Variants in CXADR observed in about 807,000 individuals in gnomAD.
CXADR encodes coxsackievirus and adenovirus receptor.
A neutral mutation model predicts 40.3 loss-of-function variants in CXADR; 20 were observed. The observed-to-expected ratio is 0.50, with a 90% CI of 0.35 to 0.72. CXADR has a LOEUF of 0.72. Among genes scored for constraint, CXADR ranks in the 30% least tolerant of loss-of-function variants. The pLI, the probability that CXADR is intolerant of heterozygous loss-of-function variation, is 0.01. For missense variants in CXADR, 332 were observed against 449.1 expected, an observed-to-expected ratio of 0.74 and a Z score of 2.36; for synonymous variants, 150 against 161.3, an observed-to-expected ratio of 0.93 and a Z score of 0.53.
At chr21:17,531,281 G>A (rs1415096177) in intron 1 of CXADR, among the ~76,000 whole-genome samples, 2 of 149,506 alleles carry the variant, frequency 1.3e-5, no homozygotes, top group African/African-American at 2.5e-5. Flanking sequence ...CCTGGGCGAC[G>A]GAACGAGACT....
chr21:17,589,851 C>T (rs529883047), intron 7 of CXADR, among the ~76,000 whole-genome samples: 121 of 152,214 alleles, frequency 7.9e-4, no homozygotes, highest in African/African-American at 2.8e-3. Context: ...CTGCCCTCCT[C>T]TTTAAGCCTC....
At chr21:17,519,016 G>A in intron 1 of CXADR, 6 of 1,571,884 alleles carry the variant, frequency 3.8e-6, no homozygotes, top group Non-Finnish European at 4.4e-6. Flanking sequence ...TCTGAAGCAG[G>A]GAGGGTCCTC....
intron 1 of CXADR, among the ~76,000 whole-genome samples, chr21:17,539,162 A>T (rs1311865835): frequency 6.6e-6 from 1 of 152,146 alleles, no homozygotes; most frequent in Non-Finnish European, 1.5e-5. Context: ...CACTGAGATA[A>T]GGAGTTCAAA....
chr21:17,611,859 A>T, the CXADR span: 6 of 152,188 alleles, frequency 3.9e-5, no homozygotes, highest in African/African-American at 1.4e-4. Flanking sequence ...CCTCCCTTGT[A>T]ACGAAAAGCT....
the CXADR span, among the ~76,000 whole-genome samples, chr21:17,601,380 T>C: frequency 1.3e-5 from 2 of 152,100 alleles, no homozygotes; most frequent in Non-Finnish European, 2.9e-5. Flanking sequence ...AAACAGAAGC[T>C]GGACATGGTA....
intron 7 of CXADR, among the ~76,000 whole-genome samples, chr21:17,576,464 C>T (rs1202030181): frequency 2.0e-5 from 3 of 152,118 alleles, no homozygotes; most frequent in Non-Finnish European, 4.4e-5. Flanking sequence ...AGGCTGGCAC[C>T]TGGTCAGTGA....
chr21:17,609,425 C>T, the CXADR span, among the ~76,000 whole-genome samples: 2,874 of 152,286 alleles, frequency 0.019, 45 homozygotes, highest in Middle Eastern at 0.037. Context: ...AATAAAACCA[C>T]ACCTATCAGT....
chr21:17,604,056 C>T, the CXADR span: 1 of 1,125,154 alleles, frequency 8.9e-7, no homozygotes, highest in Non-Finnish European at 1.1e-6. Context: ...ATACCTAGCA[C>T]TGATCTTTCA....
rs867550868 is a variant in CXADR at position 17,567,077 on chromosome 21, G to A, written c.*1385G>A. ...TTTATTGTATTTCCCTTAAGATTGT[G>A]AGGGAGTGTGGATACAGTAGAATGA... On this transcript the variant is annotated 3_prime_UTR_variant, in exon 7 of 7. Transcript: ENST00000284878. The A allele has an allele frequency of 2.2e-5, 22 of 979,936 alleles. No individual in the cohort carries two copies. The Middle Eastern group carries it at 1.6e-3, about 69-fold the overall frequency. The allele number at this position is 979,936 out of a possible 1,614,324, so 60.7% of individuals were successfully genotyped here.
chr21:17,528,651 G>A (rs1214217915), intron 1 of CXADR, among the ~76,000 whole-genome samples: 1 of 151,942 alleles, frequency 6.6e-6, no homozygotes, highest in Admixed American at 6.6e-5. Context: ...CAGGTGATCC[G>A]CCCACCTTGG....
intron 7 of CXADR, among the ~76,000 whole-genome samples, chr21:17,585,622 A>T (rs2061389664): frequency 1.3e-5 from 2 of 152,046 alleles, no homozygotes; most frequent in Non-Finnish European, 2.9e-5. Context: ...GGTTCAAGCG[A>T]TTCTCCTGCC....
Position 17,547,081 on chromosome 21 carries a change from A to G in CXADR, c.98A>G (p.Lys33Arg). 1.2e-6 allele frequency: 2 copies of G among 1,613,798 alleles called. No homozygotes were observed. The highest frequency in any genetic ancestry group is 1.3e-5 in the African/African-American group (1 of 75,024). ...TTPEEMIEKA[K>R]GETAYLPCKF... is the part of the protein sequence containing the mutation. The stretch of plus-strand genomic sequence containing the variant: ...CCTGAAGAGATGATTGAAAAAGCCA[A>G]AGGGGAAACTGCCTATCTGCCATGC... The change falls in exon 2 of 7, where the codon AAA becomes AGA. Residue 33 changes from lysine (K) to arginine (R), a missense_variant. By Grantham distance (26) the Lys-to-Arg change is conservative. Coordinates refer to ENST00000284878, the MANE Select transcript of CXADR (RefSeq NM_001338.5).
chr21:17,542,331 A>T (rs553867571), intron 1 of CXADR, among the ~76,000 whole-genome samples: 1 of 152,252 alleles, frequency 6.6e-6, no homozygotes, highest in Non-Finnish European at 1.5e-5. Flanking sequence ...TTATCAGTTC[A>T]TAACATTACC....
intron 1 of CXADR, among the ~76,000 whole-genome samples, chr21:17,522,226 G>A (rs1308585660): frequency 6.6e-6 from 1 of 151,572 alleles, no homozygotes; most frequent in East Asian, 1.9e-4. Context: ...TCGACTCACC[G>A]CAACCTCTGC....
At chr21:17,541,918 T>C in intron 1 of CXADR, 1 of 253,840 alleles carries the variant, frequency 3.9e-6, no homozygotes, top group Non-Finnish European at 7.8e-6. Context: ...TTTTCCTCTG[T>C]AATGAAAGTG....
At chr21:17,604,158 A>C in the CXADR span, 1 of 1,281,126 alleles carries the variant, frequency 7.8e-7, no homozygotes, top group Non-Finnish European at 1.0e-6. Flanking sequence ...ATCAAAAAGG[A>C]GGAGGCCGGG....
At chr21:17,563,932 C>A (rs2061160978) in intron 6 of CXADR, among the ~76,000 whole-genome samples, 1 of 28,762 alleles carries the variant, frequency 3.5e-5, no homozygotes, top group South Asian at 1.6e-3. Flanking sequence ...CAGAGCAAGA[C>A]TCTGTCTCAA....
the CXADR span, among the ~76,000 whole-genome samples, chr21:17,629,199 G>C: frequency 6.6e-6 from 1 of 151,894 alleles, no homozygotes; most frequent in Non-Finnish European, 1.5e-5. Flanking sequence ...GGCCAACATA[G>C]CAAAACCCCA....
chr21:17,528,440 T>G (rs1283341650), intron 1 of CXADR, among the ~76,000 whole-genome samples: 1 of 151,260 alleles, frequency 6.6e-6, no homozygotes, highest in African/African-American at 2.4e-5. Context: ...GGAGTTTCGC[T>G]CGTTACCCAG....
Sources: allele counts gnomAD v4.1 joint callset (sites outside exome capture counted in the v4.1 genomes callset), GRCh38; gene constraint gnomAD v4.1.1; transcripts MANE v1.5; gene names NCBI Gene and HGNC (gene_info 2026-07-23, HGNC 2026-07-21).